The following DCC variants were observed in gnomAD, a reference collection of about 807,000 sequenced individuals.
DCC encodes netrin receptor DCC.
Under a neutral mutation model 172.5 loss-of-function variants are expected in DCC, and 58 were observed. That is an observed-to-expected ratio of 0.34 (90% CI 0.27 to 0.42). The LOEUF is 0.42. DCC is among the 10% of genes least tolerant of loss of function. The probability of loss-of-function intolerance (pLI) is 1.00; values close to 1 mark genes in which losing one functional copy is unlikely to be tolerated. For synonymous variants in DCC, 709 were observed against 644.5 expected (o/e 1.10, Z -1.52); for missense variants, 1,740 against 1,791.0 (o/e 0.97, Z 0.51).
chr18:53,432,135 C>T (rs1297850173), intron 21 of DCC, among the ~76,000 whole-genome samples: 1 of 151,480 alleles, frequency 6.6e-6, no homozygotes, highest in Non-Finnish European at 1.5e-5. Flanking sequence ...GATAAGAATA[C>T]TTTAATAATA....
intron 1 of DCC, among the ~76,000 whole-genome samples, chr18:52,611,294 G>A (rs1340155587): frequency 1.3e-5 from 2 of 151,942 alleles, no homozygotes; most frequent in East Asian, 1.9e-4. Flanking sequence ...GTTCATCAAG[G>A]TCCCATTCAG....
chr18:53,089,428 T>G (rs2042970459), intron 7 of DCC, among the ~76,000 whole-genome samples: 1 of 152,086 alleles, frequency 6.6e-6, no homozygotes, highest in Non-Finnish European at 1.5e-5. Context: ...TTTCATGCCT[T>G]GTGTCTACTT....
chr18:53,416,395 A>G, intron 21 of DCC: 1 of 669,670 alleles, frequency 1.5e-6, no homozygotes, highest in South Asian at 1.6e-5. Context: ...GACCAATTAA[A>G]ATGTCAAGCT....
At chr18:52,543,650 A>G (rs1300614811) in intron 1 of DCC, among the ~76,000 whole-genome samples, 1 of 152,220 alleles carries the variant, frequency 6.6e-6, no homozygotes, top group African/African-American at 2.4e-5. Flanking sequence ...ACAAACCATC[A>G]TAGATCATCT....
intron 5 of DCC, among the ~76,000 whole-genome samples, chr18:53,051,073 T>C (rs1599071074): frequency 6.6e-6 from 1 of 151,978 alleles, no homozygotes; most frequent in African/African-American, 2.4e-5. Context: ...TAAAACAAAA[T>C]AAATACATTT....
At chr18:52,438,601 A>G (rs1987871482) in intron 1 of DCC, among the ~76,000 whole-genome samples, 1 of 152,234 alleles carries the variant, frequency 6.6e-6, no homozygotes, top group Non-Finnish European at 1.5e-5. Context: ...GAGCACTTAT[A>G]TAAACAAGAA....
intron 1 of DCC, among the ~76,000 whole-genome samples, chr18:52,691,312 A>T (rs2035927201): frequency 6.6e-6 from 1 of 152,140 alleles, no homozygotes; most frequent in African/African-American, 2.4e-5. Flanking sequence ...TTGTCCCCCA[A>T]CATAAGTTTG....
chr18:53,526,786 T>C lies in DCC; in HGVS notation c.4254+27T>C, dbSNP rs1297418496. Reference sequence around the variant, plus strand: ...TAAGGGCATCTTTAAAATTCATGCTTCATCAAGGGACAGATTGACTGGCGC... The same window carrying C: ...TAAGGGCATCTTTAAAATTCATGCTCCATCAAGGGACAGATTGACTGGCGC... On this transcript the variant is annotated intron_variant, in intron 28 of 28. Transcript: ENST00000442544. 5 of 1,612,548 alleles carry C rather than the reference T, an allele frequency of 3.1e-6. No individual in the cohort carries two copies. In the Admixed American group the frequency reaches 6.7e-5, roughly 22 times the overall value.
chr18:52,594,905 A>G (rs77396760), intron 1 of DCC, among the ~76,000 whole-genome samples: 6,270 of 152,280 alleles, frequency 0.041, 159 homozygotes, highest in Non-Finnish European at 0.054. Flanking sequence ...ATTGAGGATT[A>G]CATTTCAACA....
chr18:53,206,647 A>AATATATGTATACATATTTATAATGCATAT (rs1367731572), intron 10 of DCC, among the ~76,000 whole-genome samples: 20 of 146,212 alleles, frequency 1.4e-4, no homozygotes, highest in Non-Finnish European at 2.5e-4. Flanking sequence ...ACATATATAT[A>AATATATGTATACATATTTATAATGCATAT]ATATATGTAT....
At chr18:52,591,741 C>G (rs1359810536) in intron 1 of DCC, among the ~76,000 whole-genome samples, 3 of 149,080 alleles carry the variant, frequency 2.0e-5, no homozygotes, top group Non-Finnish European at 4.5e-5. Context: ...CATCACCATG[C>G]CTGGCTACTT....
chr18:52,848,278 G>A (rs2038926602), intron 2 of DCC, among the ~76,000 whole-genome samples: 1 of 151,796 alleles, frequency 6.6e-6, no homozygotes, highest in Non-Finnish European at 1.5e-5. Flanking sequence ...GTAAAGATGG[G>A]GTTTTGCCAT....
At chr18:52,723,981 T>A (rs2145081628) in intron 1 of DCC, among the ~76,000 whole-genome samples, 1 of 152,274 alleles carries the variant, frequency 6.6e-6, no homozygotes, top group East Asian at 1.9e-4. Context: ...GAGTTGATTC[T>A]GCAAGCTGAA....
intron 2 of DCC, among the ~76,000 whole-genome samples, chr18:52,848,082 A>AT (rs11291428): frequency 0.33 from 41,341 of 127,194 alleles, 7,529 homozygotes; most frequent in Non-Finnish European, 0.42. Flanking sequence ...GACTTTTCTA[A>AT]TTTTTTTTTT....
intron 2 of DCC, among the ~76,000 whole-genome samples, chr18:52,766,059 T>C (rs572625067): frequency 6.6e-6 from 1 of 152,260 alleles, no homozygotes; most frequent in East Asian, 1.9e-4. Context: ...GGAGGGAGCG[T>C]ACAAGTGAAC....
At chr18:52,834,200 G>A (rs558845909) in intron 2 of DCC, among the ~76,000 whole-genome samples, 2 of 151,756 alleles carry the variant, frequency 1.3e-5, no homozygotes, top group South Asian at 2.1e-4. Context: ...TCTTCAATCA[G>A]CATCACAGAA....
intron 5 of DCC, among the ~76,000 whole-genome samples, chr18:53,036,903 C>T (rs919898057): frequency 1.3e-5 from 2 of 151,876 alleles, no homozygotes; most frequent in African/African-American, 2.4e-5. Context: ...TCCTTCAGCC[C>T]CTTAGAAAGA....
At chr18:52,487,743 G>A (rs540574620) in intron 1 of DCC, among the ~76,000 whole-genome samples, 17 of 148,404 alleles carry the variant, frequency 1.1e-4, no homozygotes, top group African/African-American at 3.7e-4. Context: ...TTCATGAGGC[G>A]GAGGTTGCAA....
At chr18:53,274,532 T>C (rs566873443) in intron 12 of DCC, among the ~76,000 whole-genome samples, 1 of 152,264 alleles carries the variant, frequency 6.6e-6, no homozygotes, top group East Asian at 1.9e-4. Context: ...GCCTCTCTGT[T>C]CTTTACCATG....
Sources: allele counts gnomAD v4.1 joint callset (sites outside exome capture counted in the v4.1 genomes callset), GRCh38; gene constraint gnomAD v4.1.1; transcripts MANE v1.5; gene names NCBI Gene and HGNC (gene_info 2026-07-23, HGNC 2026-07-21).